Variants in PTGER3 observed in about 807,000 individuals in gnomAD.
PTGER3 encodes the protein prostaglandin E2 receptor EP3 subtype.
Under a neutral mutation model 34.7 loss-of-function variants are expected in PTGER3, and 22 were observed. The observed-to-expected ratio is 0.63, with a 90% CI of 0.45 to 0.91. PTGER3 has a LOEUF of 0.91. PTGER3 is among the 40% of genes least tolerant of loss of function. PTGER3 has a pLI of 0.00. For synonymous variants in PTGER3, 241 were observed against 230.1 expected, an observed-to-expected ratio of 1.05 and a Z score of -0.43; for missense variants, 468 against 519.4, an observed-to-expected ratio of 0.90 and a Z score of 0.96.
intron 1 of PTGER3, among the ~76,000 whole-genome samples, chr1:71,042,071 T>C (rs1660365657): frequency 1.3e-5 from 2 of 152,078 alleles, no homozygotes; most frequent in Non-Finnish European, 2.9e-5. Flanking sequence ...GGCCAGTGAC[T>C]CACAATTATA....
At chr1:70,928,323 A>AT (rs1243992366) in intron 4 of PTGER3, among the ~76,000 whole-genome samples, 1 of 151,208 alleles carries the variant, frequency 6.6e-6, no homozygotes, top group African/African-American at 2.4e-5. Context: ...AAAAAAAAAA[A>AT]GTGGGTTAGG....
intron 3 of PTGER3, among the ~76,000 whole-genome samples, chr1:70,973,702 A>G (rs993292919): frequency 6.6e-6 from 1 of 152,214 alleles, no homozygotes; most frequent in African/African-American, 2.4e-5. Flanking sequence ...AAAGAAAAAA[A>G]TCACACAATG....
chr1:70,907,910 G>A lies in PTGER3; in HGVS notation c.*23+45853C>T, dbSNP rs149223460. 2.8e-3 allele frequency among the ~76,000 whole-genome samples: 427 copies of A among 152,262 alleles called. 1 individual carries two copies. The highest frequency in any genetic ancestry group is 4.8e-3 in the Non-Finnish European group (329 of 68,024). On this transcript the variant is annotated intron_variant, in intron 4 of 4. Transcript: ENST00000370931. Reference sequence around the variant, plus strand: ...TGGCCAGGAAAGAGAGTAGTGAGGGGAAATTCTCACTACTGCGGGCAGAGC... The same window carrying A: ...TGGCCAGGAAAGAGAGTAGTGAGGGAAAATTCTCACTACTGCGGGCAGAGC...
chr1:71,027,636 T>C (rs917803376), intron 1 of PTGER3, among the ~76,000 whole-genome samples: 1 of 152,134 alleles, frequency 6.6e-6, no homozygotes, highest in Non-Finnish European at 1.5e-5. Context: ...AATTGGAAAA[T>C]CATCAGTCTA....
chr1:70,931,736 C>T (rs1280586596), intron 4 of PTGER3, among the ~76,000 whole-genome samples: 2 of 152,180 alleles, frequency 1.3e-5, no homozygotes, highest in Admixed American at 1.3e-4. Context: ...CTGCCCACAG[C>T]ATGGGAACCC....
chr1:70,877,774 TA>T (rs1182163448), intron 4 of PTGER3, among the ~76,000 whole-genome samples: 3 of 152,140 alleles, frequency 2.0e-5, no homozygotes, highest in Non-Finnish European at 4.4e-5. Flanking sequence ...TATGTTTAAC[TA>T]ACCTTGCATC....
chr1:70,983,616 G>A (rs890344281), intron 2 of PTGER3, among the ~76,000 whole-genome samples: 5 of 152,142 alleles, frequency 3.3e-5, no homozygotes, highest in Admixed American at 1.3e-4. Context: ...TGATTTAGAA[G>A]CTCTTTATAT....
chr1:70,971,555 A>G lies in PTGER3; in HGVS notation c.*175T>C, dbSNP rs1175453599. The G allele has an allele frequency of 4.8e-6, 6 of 1,261,976 alleles. No homozygotes were observed. The African/African-American group carries it at 7.8e-5, about 16-fold the overall frequency. The allele number at this position is 1,261,976 out of a possible 1,614,324, so 78.2% of individuals were successfully genotyped here. Reference sequence around the variant, plus strand: ...AATCTAATATTCAGAGGCATGGATTATAATAATAAAGTTGATCTCCATGGG... The same window carrying G: ...AATCTAATATTCAGAGGCATGGATTGTAATAATAAAGTTGATCTCCATGGG... On this transcript the variant is annotated 3_prime_UTR_variant, in exon 4 of 4. Coordinates refer to ENST00000306666, the MANE Select transcript of PTGER3 (RefSeq NM_198719.2).
At chr1:70,972,309 G>A (rs764662969) in intron 3 of PTGER3, among the ~76,000 whole-genome samples, 22 of 152,102 alleles carry the variant, frequency 1.4e-4, no homozygotes, top group Admixed American at 3.3e-4. Context: ...TTGACAGAGC[G>A]AGACTCCATC....
At chr1:71,044,905 CCT>C in intron 1 of PTGER3, among the ~76,000 whole-genome samples, 1 of 152,168 alleles carries the variant, frequency 6.6e-6, no homozygotes, top group Admixed American at 6.5e-5. Context: ...AAACTGATAC[CCT>C]GTTTGCCTTT....
chr1:70,958,579 CTTA>C lies in PTGER3; in HGVS notation c.1078-4793_1078-4791del, dbSNP rs1651597225. ...GTTTTTTATATAATCAGGGTATTAA[CTTA>C]TTATCAGATGCATAGTTTGCAAATA... On this transcript the variant is annotated intron_variant, in intron 2 of 3. Transcript: ENST00000356595. Among the ~76,000 whole-genome samples the C allele has an allele frequency of 2.6e-5, 4 of 152,180 alleles. No homozygotes were observed. In the South Asian group the frequency reaches 8.3e-4, roughly 32 times the overall value.
At chr1:71,030,178 C>G (rs1179624037) in intron 1 of PTGER3, among the ~76,000 whole-genome samples, 1 of 151,878 alleles carries the variant, frequency 6.6e-6, no homozygotes, top group Non-Finnish European at 1.5e-5. Flanking sequence ...GTGGCCAAAT[C>G]CAAGATCTTG....
At chr1:70,914,090 G>A (rs543952228) in intron 4 of PTGER3, among the ~76,000 whole-genome samples, 1 of 151,442 alleles carries the variant, frequency 6.6e-6, no homozygotes, top group African/African-American at 2.4e-5. Flanking sequence ...AGTATATATA[G>A]TATACATATA....
intron 2 of PTGER3, among the ~76,000 whole-genome samples, chr1:70,990,475 C>T (rs1290975438): frequency 6.7e-6 from 1 of 148,660 alleles, no homozygotes; most frequent in African/African-American, 2.5e-5. Flanking sequence ...CATATATATA[C>T]ACATATATGC....
chr1:70,976,962 A>T (rs1484778724), intron 2 of PTGER3, among the ~76,000 whole-genome samples: 2 of 152,176 alleles, frequency 1.3e-5, no homozygotes, highest in Admixed American at 6.6e-5. Context: ...TGCCAAGTAT[A>T]TAAGATATCC....
chr1:70,953,408 T>C (rs1650974788), intron 3 of PTGER3, among the ~76,000 whole-genome samples: 1 of 152,138 alleles, frequency 6.6e-6, no homozygotes, highest in Non-Finnish European at 1.5e-5. Context: ...GCCATACAGT[T>C]CTTCCCTTCT....
intron 4 of PTGER3, among the ~76,000 whole-genome samples, chr1:70,894,174 T>G (rs929423021): frequency 1.3e-5 from 2 of 151,876 alleles, no homozygotes; most frequent in Non-Finnish European, 2.9e-5. Context: ...CCGGGCGTGG[T>G]GGTGGGCACC....
chr1:70,911,616 G>A (rs764330967), intron 4 of PTGER3, among the ~76,000 whole-genome samples: 1 of 152,100 alleles, frequency 6.6e-6, no homozygotes, highest in African/African-American at 2.4e-5. Flanking sequence ...AATGTAGGAT[G>A]GCAGAAAGTG....
chr1:70,934,169 C>G (rs181013130), intron 4 of PTGER3, among the ~76,000 whole-genome samples: 45 of 152,216 alleles, frequency 3.0e-4, no homozygotes, highest in Admixed American at 1.8e-3. Context: ...GAAAACTAAA[C>G]TCGTAATTAC....
Sources: gnomAD v4.1 joint callset for allele counts (sites outside exome capture counted in the v4.1 genomes callset) on GRCh38, gnomAD v4.1.1 for gene constraint, MANE v1.5 for transcripts, NCBI Gene and HGNC (gene_info 2026-07-23, HGNC 2026-07-21) for gene names.